The following ELAPOR2 variants were observed in gnomAD, a reference collection of about 807,000 sequenced individuals.
ELAPOR2 encodes endosome-lysosome associated apoptosis and autophagy regulator family member 2.
ELAPOR2 carries 89 observed loss-of-function variants against 120.7 expected under a neutral mutation model. The ratio of observed to expected loss-of-function variants is 0.74; its 90% CI spans 0.62 to 0.88. The LOEUF (loss-of-function observed/expected upper bound fraction) is 0.88. Among genes scored for constraint, ELAPOR2 ranks in the 40% least tolerant of loss-of-function variants. The pLI is 0.00. For synonymous variants in ELAPOR2, 444 were observed against 444.9 expected (o/e 1.00, Z 0.03); for missense variants, 1,134 against 1,251.6 (o/e 0.91, Z 1.42).
intron 1 of ELAPOR2, among the ~76,000 whole-genome samples, chr7:87,059,110 C>G (rs778670114): frequency 6.6e-6 from 1 of 151,986 alleles, no homozygotes; most frequent in Non-Finnish European, 1.5e-5. Context: ...CAAGCGCGGA[C>G]AGAAAAGCAT....
intron 1 of ELAPOR2, among the ~76,000 whole-genome samples, chr7:87,002,438 T>G (rs1221358860): frequency 6.6e-6 from 1 of 152,110 alleles, no homozygotes; most frequent in African/African-American, 2.4e-5. Flanking sequence ...GATATATAAT[T>G]GTTACCATGA....
At chr7:87,030,248 G>A (rs779930158) in intron 1 of ELAPOR2, among the ~76,000 whole-genome samples, 25 of 152,000 alleles carry the variant, frequency 1.6e-4, no homozygotes, top group Admixed American at 1.2e-3. Flanking sequence ...ATTCTAAGAC[G>A]AGATAAGCCT....
At chr7:87,043,412 C>T (rs1308114449) in intron 1 of ELAPOR2, among the ~76,000 whole-genome samples, 2 of 151,462 alleles carry the variant, frequency 1.3e-5, no homozygotes, top group East Asian at 3.9e-4. Flanking sequence ...GCTTATCCAC[C>T]ATGATCAAGT....
rs1189335231 is a variant in ELAPOR2, at chr7:86,879,327, T to C, written c.*1144A>G. The C allele has an allele frequency of 1.3e-5, 2 of 152,220 alleles. No individual in the cohort carries two copies. The highest frequency in any genetic ancestry group is 2.9e-5 in the Non-Finnish European group (2 of 68,034). 9.4% of individuals were successfully genotyped at this position (152,220 alleles called of 1,614,324 possible). On this transcript the variant is annotated 3_prime_UTR_variant, in exon 22 of 22. Coordinates refer to ENST00000450689, the MANE Select transcript of ELAPOR2 (RefSeq NM_001142749.3). ...AATATCACAATTATCTGGATCACTT[T>C]TGAATAAGAACAATAATTCTTTCAT...
intron 21 of ELAPOR2, among the ~76,000 whole-genome samples, chr7:86,882,725 C>G (rs572706647): frequency 8.7e-4 from 132 of 152,156 alleles, no homozygotes; most frequent in Non-Finnish European, 1.5e-3. Context: ...ATTGAAATAC[C>G]ACATTGGAGA....
chr7:86,908,186 C>CAT (rs71117528), intron 17 of ELAPOR2, among the ~76,000 whole-genome samples: 6 of 146,584 alleles, frequency 4.1e-5, no homozygotes, highest in Non-Finnish European at 9.0e-5. Flanking sequence ...CACACACACA[C>CAT]GAGAAATTAT....
intron 1 of ELAPOR2, among the ~76,000 whole-genome samples, chr7:87,043,352 A>C (rs902200959): frequency 2.7e-5 from 4 of 150,872 alleles, no homozygotes; most frequent in Admixed American, 2.6e-4. Context: ...CATTGATGCA[A>C]AAATCCTCAA....
At chr7:86,924,406 C>A (rs551545154) in intron 10 of ELAPOR2, among the ~76,000 whole-genome samples, 1 of 150,576 alleles carries the variant, frequency 6.6e-6, no homozygotes, top group Non-Finnish European at 1.5e-5. Context: ...CACACACACA[C>A]AAATGTATTA....
At chr7:86,934,191 T>C (rs11980391) in intron 8 of ELAPOR2, among the ~76,000 whole-genome samples, 3,550 of 152,034 alleles carry the variant, frequency 0.023, 126 homozygotes, top group African/African-American at 0.081. Flanking sequence ...GGGAACAATG[T>C]CATATAAAAA....
At chr7:86,980,615 A>G (rs758642718) in intron 1 of ELAPOR2, among the ~76,000 whole-genome samples, 2 of 151,904 alleles carry the variant, frequency 1.3e-5, no homozygotes, top group Non-Finnish European at 2.9e-5. Flanking sequence ...AGTTTCCTCA[A>G]ATTGTCTCCC....
chr7:87,049,355 C>A (rs1262536782), intron 1 of ELAPOR2, among the ~76,000 whole-genome samples: 12 of 152,000 alleles, frequency 7.9e-5, no homozygotes. Context: ...GATCTCGGCT[C>A]ACTGCAAGCT....
At chr7:86,965,374 A>C (rs144001423) in intron 1 of ELAPOR2, among the ~76,000 whole-genome samples, 3 of 152,214 alleles carry the variant, frequency 2.0e-5, no homozygotes, top group African/African-American at 7.2e-5. Context: ...GCAAAATAAC[A>C]CTAGGAATTT....
At chr7:87,027,000 C>T (rs1209932260) in intron 1 of ELAPOR2, among the ~76,000 whole-genome samples, 1 of 151,964 alleles carries the variant, frequency 6.6e-6, no homozygotes, top group African/African-American at 2.4e-5. Context: ...TTTCTTGGTG[C>T]AACAACAAAA....
In ELAPOR2 at chr7:86,912,165, G is replaced by A. The variant is rs377735104; in HGVS notation, c.2076C>T (p.Leu692=). ...NQSLHYDFSN[L]SSVGSLMNGP... ...CATTCATTAATGAGCCCACACTGCT[G>A]AGGTTGCTAAAGTCATAGTGCAAAC... The change falls in exon 15 of 22, where the codon CTC becomes CTT. Residue 692 remains leucine (L), a synonymous_variant. Transcript: ENST00000450689. 6.2e-7 allele frequency: 1 copy of A among 1,612,780 alleles called. No individual in the cohort carries two copies. Among genetic ancestry groups the A allele is most frequent in the Non-Finnish European group, 8.5e-7 (1 of 1,178,932 alleles).
intron 2 of ELAPOR2, among the ~76,000 whole-genome samples, chr7:86,962,865 A>G (rs1791769284): frequency 6.6e-6 from 1 of 152,248 alleles, no homozygotes; most frequent in Non-Finnish European, 1.5e-5. Flanking sequence ...CACTGCCTTC[A>G]GCAGCCAAAC....
At chr7:87,005,571 T>G (rs1793446716) in intron 1 of ELAPOR2, among the ~76,000 whole-genome samples, 1 of 152,166 alleles carries the variant, frequency 6.6e-6, no homozygotes. Context: ...AACAGTTCAA[T>G]GAAAATCAAA....
chr7:86,947,819 T>C lies in ELAPOR2; in HGVS notation c.414A>G (p.Glu138=). The C allele has an allele frequency of 6.4e-7, 1 of 1,551,972 alleles. No individual in the cohort carries two copies. The highest frequency in any genetic ancestry group is 8.7e-7 in the Non-Finnish European group (1 of 1,147,038). The change falls in exon 3 of 22, where the codon GAA becomes GAG. Residue 138 remains glutamate (E), a synonymous_variant. Transcript: ENST00000450689. The stretch of plus-strand genomic sequence containing the variant: ...AAAATCCTGCCGGCAATTCATCCCA[T>C]TCATCAAATTTGATGCCACTGCCCA... ...YSLGSGIKFD[E]WDELPAGFSN...
At chr7:87,005,787 G>A (rs1401750775) in intron 1 of ELAPOR2, among the ~76,000 whole-genome samples, 2 of 152,110 alleles carry the variant, frequency 1.3e-5, no homozygotes, top group Non-Finnish European at 2.9e-5. Flanking sequence ...TGGGTCATAG[G>A]CTTCAGTGTT....
At chr7:86,967,780 T>G (rs1791964231) in intron 1 of ELAPOR2, among the ~76,000 whole-genome samples, 1 of 152,260 alleles carries the variant, frequency 6.6e-6, no homozygotes, top group African/African-American at 2.4e-5. Context: ...TTATCCTATC[T>G]GCCTTCTCTA....
Sources: allele counts gnomAD v4.1 joint callset (sites outside exome capture counted in the v4.1 genomes callset), GRCh38; gene constraint gnomAD v4.1.1; transcripts MANE v1.5; gene names NCBI Gene and HGNC (gene_info 2026-07-23, HGNC 2026-07-21).